The following SLC25A29 variants were observed in gnomAD, a reference collection of about 807,000 sequenced individuals.
SLC25A29 encodes the protein solute carrier family 25 member 29.
In SLC25A29, 13 loss-of-function variants were observed where a neutral mutation model predicts 10.0. The ratio of observed to expected loss-of-function variants is 1.30; its 90% CI spans 0.85 to 2.07. The LOEUF (loss-of-function observed/expected upper bound fraction) is 2.07, where lower values mean the gene tolerates loss of function less well. Ranked by LOEUF, SLC25A29 falls within the 30% of genes most tolerant of loss-of-function variation. The probability of loss-of-function intolerance (pLI) is 0.00; values close to 1 mark genes in which losing one functional copy is unlikely to be tolerated. For synonymous variants in SLC25A29, 244 were observed against 221.1 expected (o/e 1.10, Z -0.92); for missense variants, 475 against 447.6 (o/e 1.06, Z -0.55).
Position 100,292,008 on chromosome 14 carries a change from C to G in SLC25A29, c.*275G>C. On this transcript the variant is annotated 3_prime_UTR_variant, in exon 4 of 4. Transcript: ENST00000359232. Reference sequence around the variant, plus strand: ...GTTTCCAGGATAACGGTGCAATGGCCTCAGCCAGGCCAGGTGCTGGCTGCT... The same window carrying G: ...GTTTCCAGGATAACGGTGCAATGGCGTCAGCCAGGCCAGGTGCTGGCTGCT... 1 of 482,274 alleles carries G rather than the reference C, an allele frequency of 2.1e-6. No individual in the cohort carries two copies. The highest frequency in any genetic ancestry group is 2.1e-5 in the African/African-American group (1 of 47,606). The allele number at this position is 482,274 out of a possible 1,614,324, so 29.9% of individuals were successfully genotyped here. A position where few individuals can be genotyped will look rare whatever the true frequency, so the allele number is the denominator to read the frequency against.
chr14:100,306,152 T>A (rs1156284195), intron 1 of SLC25A29, 47 bp downstream of exon 1: 3 of 1,374,170 alleles, frequency 2.2e-6, no homozygotes, highest in Non-Finnish European at 2.9e-6. Flanking sequence ...CCGACCTCCC[T>A]CCCCGGACGC....
In SLC25A29 at chr14:100,298,140, C is replaced by T. The variant is rs375574818; in HGVS notation, c.78+702G>A. The T allele has an allele frequency of 2.9e-3, 449 of 154,454 alleles. 1 individual carries two copies. The highest frequency in any genetic ancestry group is 4.4e-3 in the Non-Finnish European group (306 of 69,390). The allele number at this position is 154,454 out of a possible 1,614,324, so 9.6% of individuals were successfully genotyped here. Reference sequence around the variant, plus strand: ...CAGTGGGAAGAGCGGCCACGTGTAGCGCTGCCAGCAAGCACAAGGCTGGTC... The same window carrying T: ...CAGTGGGAAGAGCGGCCACGTGTAGTGCTGCCAGCAAGCACAAGGCTGGTC... On this transcript the variant is annotated intron_variant, in intron 2 of 3. Coordinates refer to ENST00000359232, the MANE Select transcript of SLC25A29 (RefSeq NM_001039355.3).
downstream of SLC25A29, among the ~76,000 whole-genome samples, chr14:100,288,388 A>C (rs1284918771): frequency 6.7e-6 from 1 of 149,760 alleles, no homozygotes; most frequent in African/African-American, 2.5e-5. Context: ...ATCTCAAAAA[A>C]AAAAAAAAAA....
At chr14:100,279,882 A>G in the SLC25A29 span, 1 of 152,300 alleles carries the variant, frequency 6.6e-6, no homozygotes, top group South Asian at 2.1e-4. Flanking sequence ...GAGCCATGCC[A>G]TGGCCTGCAG....
At chr14:100,306,154 C>A in intron 1 of SLC25A29, 45 bp downstream of exon 1, 1 of 1,392,750 alleles carries the variant, frequency 7.2e-7, no homozygotes, top group Non-Finnish European at 9.4e-7. Context: ...GACCTCCCTC[C>A]CCGGACGCCT....
chr14:100,292,818 C>A lies in SLC25A29; in HGVS notation c.377G>T (p.Gly126Val). ...CGAGCCCTTGTAGGTGCGCGCTGGG[C>A]CCGCGTCCTGCAGCTGCAGCCGCGT... The part of the protein sequence containing the change: ...AKTRLQLQDA[G>V]PARTYKGSLD... The change falls in exon 4 of 4, where the codon GGC (glycine) becomes GTC (valine). Residue 126 changes from glycine (G) to valine (V), a missense_variant. Coordinates refer to ENST00000359232, the MANE Select transcript of SLC25A29 (RefSeq NM_001039355.3). 1 of 1,590,830 alleles carries A rather than the reference C, an allele frequency of 6.3e-7. No homozygotes were observed. The highest frequency in any genetic ancestry group is 1.3e-5 in the African/African-American group (1 of 74,630).
At chr14:100,299,041 G>A in intron 1 of SLC25A29, 156 bp from the exon 2 acceptor site, 2 of 1,453,770 alleles carry the variant, frequency 1.4e-6, no homozygotes, top group Non-Finnish European at 1.8e-6. Context: ...CAGATCCCAT[G>A]AGCCCCTGGA....
chr14:100,301,348 T>C (rs1368176098), intron 1 of SLC25A29, among the ~76,000 whole-genome samples: 2 of 151,634 alleles, frequency 1.3e-5, no homozygotes, highest in Non-Finnish European at 2.9e-5. Flanking sequence ...GTATTTTTAG[T>C]AGAGAAGGGG....
chr14:100,297,993 C>G (rs983634727), intron 2 of SLC25A29: 1 of 152,482 alleles, frequency 6.6e-6, no homozygotes, highest in Non-Finnish European at 1.5e-5. Context: ...CAATCCACCC[C>G]TTATGGTAAG....
intron 2 of SLC25A29, chr14:100,295,834 TCAAGA>T: frequency 7.8e-7 from 1 of 1,289,426 alleles, no homozygotes. Flanking sequence ...TCATCATAGG[TCAAGA>T]CAACTGCTCC....
downstream of SLC25A29, among the ~76,000 whole-genome samples, chr14:100,288,803 A>T (rs1014163055): frequency 1.3e-5 from 2 of 152,204 alleles, no homozygotes; most frequent in African/African-American, 4.8e-5. Context: ...AGGAAGGAGG[A>T]CCATTCAAAC....
At position 100,292,657 on chromosome 14, in the gene SLC25A29, C is replaced by G; in HGVS notation, c.538G>C (p.Gly180Arg). ...LTYDALTRAL[G>R]CEPGDRLLVP... ...AGCAGGCGGTCGCCCGGCTCGCAGCCCAGCGCCCGCGTGAGAGCGTCATAG... is the reference window on the plus strand; with the variant it reads ...AGCAGGCGGTCGCCCGGCTCGCAGCGCAGCGCCCGCGTGAGAGCGTCATAG... The change falls in exon 4 of 4, where the codon GGC becomes CGC. Residue 180 changes from glycine to arginine, a missense_variant. By Grantham distance (125) the Gly-to-Arg change is moderately radical (BLOSUM62 -2). Transcript: ENST00000359232. 6.3e-7 allele frequency: 1 copy of G among 1,598,218 alleles called. No homozygotes were observed. The highest frequency in any genetic ancestry group is 1.3e-5 in the African/African-American group (1 of 74,884).
chr14:100,300,646 G>A (rs1467826890), intron 1 of SLC25A29, among the ~76,000 whole-genome samples: 2 of 152,174 alleles, frequency 1.3e-5, no homozygotes, highest in African/African-American at 4.8e-5. Flanking sequence ...CCAAAGTGCT[G>A]GGATTACAGA....
chr14:100,299,077 G>A (rs1284764474), intron 1 of SLC25A29, 192 bp from the exon 2 acceptor site: 34 of 1,429,390 alleles, frequency 2.4e-5, no homozygotes, highest in Non-Finnish European at 3.0e-5. Flanking sequence ...GGGAGGGTAT[G>A]CATGTGACAT....
At chr14:100,294,970 T>C (rs1892040071) in intron 2 of SLC25A29, 1 of 152,372 alleles carries the variant, frequency 6.6e-6, no homozygotes. Flanking sequence ...TCTGGGGGGA[T>C]CTCTGTTCCT....
At chr14:100,305,904 G>C (rs938009282) in intron 1 of SLC25A29, 6 of 348,000 alleles carry the variant, frequency 1.7e-5, no homozygotes, top group African/African-American at 1.3e-4. Flanking sequence ...GCGGGGGGCA[G>C]TGGGGCATCC....
At chr14:100,285,259 C>G in the SLC25A29 span, among the ~76,000 whole-genome samples, 5 of 152,058 alleles carry the variant, frequency 3.3e-5, no homozygotes, top group Non-Finnish European at 7.4e-5. Flanking sequence ...CGCCCCCAGA[C>G]CCTTCTGGGG....
intron 1 of SLC25A29, chr14:100,305,884 G>C (rs990633826): frequency 6.1e-6 from 2 of 326,710 alleles, no homozygotes; most frequent in Non-Finnish European, 1.1e-5. Context: ...GATGAGCCCG[G>C]GACCTCGGCG....
chr14:100,299,911 G>C, intron 1 of SLC25A29: 1 of 985,446 alleles, frequency 1.0e-6, no homozygotes. Context: ...GATGCCTGTG[G>C]AAGTTACTAT....
Sources: gnomAD v4.1 joint callset for allele counts (sites outside exome capture counted in the v4.1 genomes callset) on GRCh38, gnomAD v4.1.1 for gene constraint, MANE v1.5 for transcripts, NCBI Gene and HGNC (gene_info 2026-07-23, HGNC 2026-07-21) for gene names.